ABL2: variants seen among roughly 807,000 people sequenced by gnomAD.
The protein encoded by ABL2 is tyrosine-protein kinase ABL2.
In ABL2, 49 loss-of-function variants were observed where a neutral mutation model predicts 107.7. That is an observed-to-expected ratio of 0.45 (90% CI 0.36 to 0.58). ABL2 has a LOEUF of 0.58. Ranked by LOEUF, ABL2 falls within the 20% of genes least tolerant of loss-of-function variation. The pLI is 0.00. For missense variants in ABL2, 1,245 were observed against 1,457.0 expected (o/e 0.85, Z 2.37); for synonymous variants, 549 against 548.6 (o/e 1.00, Z -0.01).
chr1:179,111,871 C>G (rs1319220218), intron 10 of ABL2, among the ~76,000 whole-genome samples: 2 of 151,956 alleles, frequency 1.3e-5, no homozygotes, highest in Non-Finnish European at 2.9e-5. Flanking sequence ...TGGCGAAACC[C>G]CATCTCTACT....
chr1:179,227,783 T>G (rs552945554), intron 1 of ABL2, among the ~76,000 whole-genome samples: 2 of 152,304 alleles, frequency 1.3e-5, no homozygotes, highest in South Asian at 4.1e-4. Context: ...CCAGGCGCAG[T>G]GCCTCACGCC....
chr1:179,171,902 G>GA (rs1394090987), intron 1 of ABL2, among the ~76,000 whole-genome samples: 5 of 152,114 alleles, frequency 3.3e-5, no homozygotes, highest in African/African-American at 1.2e-4. Flanking sequence ...ATTGATGGGA[G>GA]AAAAAACTCA....
rs182133101 is a variant in ABL2, at chr1:179,161,311, A to T, written c.158-27937T>A. 1.2e-4 allele frequency among the ~76,000 whole-genome samples: 18 copies of T among 151,330 alleles called. No individual in the cohort carries two copies. In the East Asian group the frequency reaches 3.5e-3, roughly 29 times the overall value. ...GGTAGGAGGATCACTTGAACTCAGG[A>T]GTTCAAGACTAGCCTGGACAACACA... On this transcript the variant is annotated intron_variant, in intron 1 of 11. Coordinates refer to ENST00000502732, the MANE Select transcript of ABL2 (RefSeq NM_007314.4).
chr1:179,109,964 T>A (rs1304913976), intron 11 of ABL2, among the ~76,000 whole-genome samples: 3 of 151,434 alleles, frequency 2.0e-5, no homozygotes, highest in Non-Finnish European at 4.4e-5. Flanking sequence ...GGGGAGGAGA[T>A]AACCTGCTGG....
intron 1 of ABL2, among the ~76,000 whole-genome samples, chr1:179,204,224 GC>G (rs1661830143): frequency 6.6e-6 from 1 of 151,504 alleles, no homozygotes; most frequent in Non-Finnish European, 1.5e-5. Flanking sequence ...ATAGGGTTTT[GC>G]CATGTTGGCC....
At chr1:179,174,082 G>A (rs752943435) in intron 1 of ABL2, among the ~76,000 whole-genome samples, 2 of 152,248 alleles carry the variant, frequency 1.3e-5, no homozygotes, top group East Asian at 1.9e-4. Context: ...AAGGTCAGGA[G>A]ATCAAGACCA....
intron 1 of ABL2, among the ~76,000 whole-genome samples, chr1:179,166,870 T>C (rs1417969613): frequency 6.6e-6 from 1 of 151,688 alleles, no homozygotes; most frequent in Non-Finnish European, 1.5e-5. Context: ...TTACCCCACT[T>C]GGAATGGCTG....
In ABL2 at chr1:179,115,006, A is replaced by G. The variant is rs1654488513; in HGVS notation, c.1433T>C (p.Ile478Thr). The change falls in exon 9 of 12, where the codon ATT (isoleucine) becomes ACT (threonine). Residue 478 changes from isoleucine to threonine, a missense_variant. Physicochemically the swap from Ile to Thr is moderately conservative, Grantham distance 89. Transcript: ENST00000502732. ...ATATGGTGACATTCCATAGGTAGCA[A>G]TTTCCCACAACAATACCCCAAAAGC... ...VWAFGVLLWE[I>T]ATYGMSPYPG... 6.2e-7 allele frequency: 1 copy of G among 1,608,154 alleles called. No individual in the cohort carries two copies. The highest frequency in any genetic ancestry group is 8.5e-7 in the Non-Finnish European group (1 of 1,177,916).
Position 179,107,638 on chromosome 1 carries a change from G to A in ABL2, c.*80C>T. The A allele has an allele frequency of 6.6e-7, 1 of 1,517,030 alleles. No individual in the cohort carries two copies. The highest frequency in any genetic ancestry group is 8.8e-7 in the Non-Finnish European group (1 of 1,134,734). 94.0% of individuals were successfully genotyped at this position (1,517,030 alleles called of 1,614,324 possible). On this transcript the variant is annotated 3_prime_UTR_variant, in exon 12 of 12. Transcript: ENST00000502732. ...CTCAAGTATGAGTCTTTCATTTTCT[G>A]AAAACAAGAACACAGGAAAACAAGT...
At position 179,126,316 on chromosome 1, in the gene ABL2, T is replaced by C. The variant is rs1399603895; in HGVS notation, c.687+61A>G. 4.0e-6 allele frequency: 6 copies of C among 1,513,814 alleles called. No individual in the cohort carries two copies. The highest frequency in any genetic ancestry group is 1.4e-5 in the African/African-American group (1 of 72,896). 93.8% of individuals were successfully genotyped at this position (1,513,814 alleles called of 1,614,324 possible). On this transcript the variant is annotated intron_variant, in intron 4 of 11. Transcript: ENST00000502732. The surrounding 1 kb of genome is among the most constrained non-coding windows in gnomAD (Gnocchi z 4.4). ...AATCTATTATTTCACTTCAATCACGTTGAATATTATTTCACAGAGTAGCCA... is the reference window on the plus strand; with the variant it reads ...AATCTATTATTTCACTTCAATCACGCTGAATATTATTTCACAGAGTAGCCA...
chr1:179,142,774 C>G (rs915521295), intron 1 of ABL2, among the ~76,000 whole-genome samples: 9 of 152,142 alleles, frequency 5.9e-5, no homozygotes, highest in Admixed American at 5.9e-4. Context: ...TTATTGAGAT[C>G]CTACTATGAG....
intron 1 of ABL2, among the ~76,000 whole-genome samples, chr1:179,215,601 C>G (rs979688930): frequency 1.1e-4 from 17 of 151,884 alleles, no homozygotes; most frequent in Admixed American, 3.3e-4. Flanking sequence ...GTGGCACATG[C>G]CTGTAATCCC....
At chr1:179,115,125 C>G in intron 8 of ABL2, 95 bp from the exon 9 acceptor site, 4 of 1,178,940 alleles carry the variant, frequency 3.4e-6, no homozygotes, top group Non-Finnish European at 4.7e-6. Flanking sequence ...AGGTAACATT[C>G]ACACACTGTT....
Position 179,176,196 on chromosome 1 carries a change from C to G in ABL2, c.158-42822G>C, listed in dbSNP as rs542253156. On this transcript the variant is annotated intron_variant, in intron 1 of 11. Transcript: ENST00000502732. The stretch of plus-strand genomic sequence containing the variant: ...ACCACAGTCTCTACAGTCACAAGTT[C>G]GTTAGTGAGGGCGGTGGGAGGGTGG... Among the ~76,000 whole-genome samples the G allele has an allele frequency of 4.0e-5, 6 of 149,826 alleles. No individual in the cohort carries two copies. In the East Asian group the frequency reaches 1.2e-3, roughly 30 times the overall value.
intron 1 of ABL2, among the ~76,000 whole-genome samples, chr1:179,185,538 G>C (rs1338209566): frequency 1.3e-5 from 2 of 152,080 alleles, no homozygotes; most frequent in Non-Finnish European, 2.9e-5. Context: ...AAGTCACTTT[G>C]TTATAATAAA....
In ABL2 at chr1:179,103,828, C is replaced by T. The variant is rs959830084; in HGVS notation, c.*3890G>A. ...CAAGAGACTTGAATTCTAGCCTTGG[C>T]TCCGCCACTAATTAACCGTTCTGAG... On this transcript the variant is annotated 3_prime_UTR_variant, in exon 12 of 12. Coordinates refer to ENST00000502732, the MANE Select transcript of ABL2 (RefSeq NM_007314.4). 8 of 231,146 alleles carry T rather than the reference C, an allele frequency of 3.5e-5. No individual in the cohort carries two copies. The highest frequency in any genetic ancestry group is 5.2e-5 in the Non-Finnish European group (6 of 116,472). 14.3% of individuals were successfully genotyped at this position (231,146 alleles called of 1,614,324 possible). A position where few individuals can be genotyped will look rare whatever the true frequency, so the allele number is the denominator to read the frequency against.
At chr1:179,109,589 A>G in intron 11 of ABL2, 148 bp from the exon 12 acceptor site, 7 of 1,299,500 alleles carry the variant, frequency 5.4e-6, no homozygotes. Context: ...ATACATTATC[A>G]TTTCACAGTG....
chr1:179,139,060 G>A (rs1020956010), intron 1 of ABL2, among the ~76,000 whole-genome samples: 9 of 152,316 alleles, frequency 5.9e-5, no homozygotes, highest in South Asian at 4.1e-4. Flanking sequence ...TCAATTTCTC[G>A]CTGGGCCTTA....
chr1:179,204,151 C>T (rs550636784), intron 1 of ABL2, among the ~76,000 whole-genome samples: 3 of 152,012 alleles, frequency 2.0e-5, no homozygotes, highest in Admixed American at 1.3e-4. Context: ...CTCAGCCTCT[C>T]GAGTAGCTGG....
Sources: allele counts gnomAD v4.1 joint callset (sites outside exome capture counted in the v4.1 genomes callset), GRCh38; gene constraint gnomAD v4.1.1; non-coding constraint Gnocchi (gnomAD v3.1); transcripts MANE v1.5; gene names NCBI Gene and HGNC (gene_info 2026-07-23, HGNC 2026-07-21).